Variants in INVS observed in about 807,000 individuals in gnomAD.
INVS encodes the protein inversion of embryo turning homolog.
In INVS, 86 loss-of-function variants were observed where a neutral mutation model predicts 108.8. The ratio of observed to expected loss-of-function variants is 0.79; its 90% CI spans 0.66 to 0.95. The LOEUF is 0.95. INVS is among the 40% of genes least tolerant of loss of function. The pLI is 0.00. For synonymous variants in INVS, 455 were observed against 473.5 expected (o/e 0.96, Z 0.51); for missense variants, 1,169 against 1,297.4 (o/e 0.90, Z 1.52).
chr9:100,238,147 G>A (rs778853137), intron 5 of INVS, among the ~76,000 whole-genome samples: 1 of 151,972 alleles, frequency 6.6e-6, no homozygotes, highest in Non-Finnish European at 1.5e-5. Context: ...CCAAAGTGCT[G>A]GGATTACAGG....
intron 2 of INVS, among the ~76,000 whole-genome samples, chr9:100,108,547 C>T (rs942361785): frequency 1.3e-5 from 2 of 152,246 alleles, no homozygotes; most frequent in South Asian, 4.1e-4. Context: ...TTTTAAACAT[C>T]TTTTTATGTA....
chr9:100,119,746 C>T (rs751227863), intron 2 of INVS, among the ~76,000 whole-genome samples: 4 of 152,024 alleles, frequency 2.6e-5, no homozygotes, highest in African/African-American at 4.8e-5. Context: ...TTTTTAGTAG[C>T]GATGGGGTTT....
intron 13 of INVS, among the ~76,000 whole-genome samples, chr9:100,287,685 C>T (rs1206956283): frequency 6.6e-6 from 1 of 152,228 alleles, no homozygotes; most frequent in African/African-American, 2.4e-5. Context: ...CTTGCTTCCC[C>T]TTTGCCTTCC....
chr9:100,119,814 T>C (rs1210301042), intron 2 of INVS, among the ~76,000 whole-genome samples: 2 of 152,180 alleles, frequency 1.3e-5, no homozygotes, highest in Non-Finnish European at 2.9e-5. Flanking sequence ...CACCTCGGCC[T>C]CCCAAAGTGT....
chr9:100,283,697 C>T (rs1465853514), intron 12 of INVS, among the ~76,000 whole-genome samples: 1 of 152,146 alleles, frequency 6.6e-6, no homozygotes, highest in East Asian at 1.9e-4. Flanking sequence ...GCTTTGCCAC[C>T]AGCTACTTAT....
At chr9:100,227,365 T>G (rs558731300) in intron 4 of INVS, among the ~76,000 whole-genome samples, 20 of 152,320 alleles carry the variant, frequency 1.3e-4, no homozygotes, top group African/African-American at 4.8e-4. Flanking sequence ...CAGATGAGCT[T>G]GGTTCCTGCT....
rs12001197 is a variant in INVS at position 100,273,473 on chromosome 9, G to C, written c.1784+397G>C. ...GCCTACTTTCACTAGACCAGTCTAA[G>C]TCTGGTTTTAATTTGATTAAAGCAA... On this transcript the variant is annotated intron_variant, in intron 12 of 16. Transcript: ENST00000262457. Among the ~76,000 whole-genome samples the C allele has an allele frequency of 4.5e-3, 657 of 146,940 alleles. 6 individuals are homozygous for C. Among genetic ancestry groups the C allele is most frequent in the African/African-American group, 0.016 (618 of 39,786 alleles).
chr9:100,259,121 C>T (rs138833807), intron 10 of INVS, among the ~76,000 whole-genome samples: 3,970 of 152,262 alleles, frequency 0.026, 74 homozygotes, highest in Non-Finnish European at 0.038. Flanking sequence ...TCAGCAATGG[C>T]GGACGCCCCT....
At chr9:100,268,571 A>G (rs913191385) in intron 11 of INVS, among the ~76,000 whole-genome samples, 2 of 152,190 alleles carry the variant, frequency 1.3e-5, no homozygotes, top group African/African-American at 4.8e-5. Flanking sequence ...GAGATTAGCT[A>G]TAAAATACTC....
At chr9:100,202,678 T>G (rs1361798322) in intron 3 of INVS, among the ~76,000 whole-genome samples, 1 of 152,214 alleles carries the variant, frequency 6.6e-6, no homozygotes, top group Non-Finnish European at 1.5e-5. Flanking sequence ...TTTGGGGGCC[T>G]TCAGAATTAA....
At chr9:100,137,531 C>A (rs979954155) in intron 3 of INVS, among the ~76,000 whole-genome samples, 1 of 149,822 alleles carries the variant, frequency 6.7e-6, no homozygotes, top group African/African-American at 2.5e-5. Context: ...GATCTATATT[C>A]GAGTCATAAT....
intron 2 of INVS, 144 bp from the exon 3 acceptor site, chr9:100,126,239 A>G: frequency 1.5e-6 from 1 of 688,908 alleles, no homozygotes; most frequent in Admixed American, 2.5e-5. Flanking sequence ...GACAATGGTA[A>G]TATCTACTTC....
chr9:100,204,583 A>G (rs879494777), intron 3 of INVS, among the ~76,000 whole-genome samples: 2 of 152,196 alleles, frequency 1.3e-5, no homozygotes, highest in Non-Finnish European at 2.9e-5. Context: ...TGATTCTCAC[A>G]AAATTCTTCA....
Position 100,231,352 on chromosome 9 carries a change from T to G in INVS, c.615+1525T>G, listed in dbSNP as rs185380913. Among the ~76,000 whole-genome samples the G allele has an allele frequency of 1.4e-3, 206 of 152,058 alleles. 1 individual carries two copies. Among genetic ancestry groups the G allele is most frequent in the Non-Finnish European group, 2.2e-3 (150 of 67,988 alleles). ...TATTATTTTACATCCTGAAATATAG[T>G]TCTTAGATTTTTTTTATTATTATAC... On this transcript the variant is annotated intron_variant, in intron 5 of 16. Coordinates refer to ENST00000262457, the MANE Select transcript of INVS (RefSeq NM_014425.5).
At chr9:100,250,960 C>T (rs1588122215) in intron 8 of INVS, among the ~76,000 whole-genome samples, 1 of 151,932 alleles carries the variant, frequency 6.6e-6, no homozygotes, top group Non-Finnish European at 1.5e-5. Flanking sequence ...CATACACAGT[C>T]GTTCCTGTCC....
At chr9:100,180,722 C>T (rs1398290491) in intron 3 of INVS, among the ~76,000 whole-genome samples, 2 of 152,142 alleles carry the variant, frequency 1.3e-5, no homozygotes, top group Non-Finnish European at 2.9e-5. Context: ...TGGTACCATT[C>T]CTTCTGAAAC....
chr9:100,244,923 G>A (rs1211822156), intron 7 of INVS, among the ~76,000 whole-genome samples: 1 of 152,192 alleles, frequency 6.6e-6, no homozygotes, highest in Non-Finnish European at 1.5e-5. Flanking sequence ...GGAGTGCTGT[G>A]ATTTAACCCT....
Position 100,269,481 on chromosome 9 carries a change from G to A in INVS, c.1572-3383G>A, listed in dbSNP as rs1169227418. Among the ~76,000 whole-genome samples the A allele has an allele frequency of 3.3e-5, 5 of 152,096 alleles. No homozygotes were observed. In the East Asian group the frequency reaches 9.6e-4, roughly 29 times the overall value. On this transcript the variant is annotated intron_variant, in intron 11 of 16. Transcript: ENST00000262457. Reference sequence around the variant, plus strand: ...CCCTGAACAGTAAGTGGCAAATGAAGCTGTCCTAAAATAGAGGTTCCTTAA... The same window carrying A: ...CCCTGAACAGTAAGTGGCAAATGAAACTGTCCTAAAATAGAGGTTCCTTAA...
rs1832060558 is a variant in INVS at position 100,246,724 on chromosome 9, A to G, written c.1015A>G (p.Arg339Gly). The change falls in exon 8 of 17, where the codon AGA becomes GGA. Residue 339 changes from arginine (R) to glycine (G), a missense_variant. Physicochemically the swap from Arg to Gly is moderately radical, Grantham distance 125 (BLOSUM62 -2). Transcript: ENST00000262457. ...TGGCAAAGGCAGTGATGATGTCCTTAGAACTATGCTGAGCTTAAAATCGGA... is the reference window on the plus strand; with the variant it reads ...TGGCAAAGGCAGTGATGATGTCCTTGGAACTATGCTGAGCTTAAAATCGGA... ...AAGKGSDDVL[R>G]TMLSLKSDID... 1 of 1,613,956 alleles carries G rather than the reference A, an allele frequency of 6.2e-7. No homozygotes were observed.
Sources: gnomAD v4.1 joint callset for allele counts (sites outside exome capture counted in the v4.1 genomes callset) on GRCh38, gnomAD v4.1.1 for gene constraint, MANE v1.5 for transcripts, NCBI Gene and HGNC (gene_info 2026-07-23, HGNC 2026-07-21) for gene names.